SYNE2: variants seen among roughly 807,000 people sequenced by gnomAD.
SYNE2 encodes spectrin repeat containing nuclear envelope protein 2.
In SYNE2, 431 loss-of-function variants were observed where a neutral mutation model predicts 856.3. That is an observed-to-expected ratio of 0.50 (90% CI 0.47 to 0.55). The LOEUF (loss-of-function observed/expected upper bound fraction) is 0.55, where lower values mean the gene tolerates loss of function less well. Among genes scored for constraint, SYNE2 ranks in the 20% least tolerant of loss-of-function variants. The probability of loss-of-function intolerance (pLI) is 0.00; values close to 1 mark genes in which losing one functional copy is unlikely to be tolerated. For synonymous variants in SYNE2, 2,923 were observed against 2,872.3 expected, an observed-to-expected ratio of 1.02 and a Z score of -0.56; for missense variants, 8,129 against 8,023.2, an observed-to-expected ratio of 1.01 and a Z score of -0.50.
chr14:63,921,649 C>T (rs535700553), intron 2 of SYNE2, among the ~76,000 whole-genome samples: 36 of 152,202 alleles, frequency 2.4e-4, no homozygotes, highest in African/African-American at 7.9e-4. Flanking sequence ...AATGGAAATA[C>T]GTAAGTGGCC....
chr14:64,183,084 C>A (rs370060305), intron 96 of SYNE2, among the ~76,000 whole-genome samples: 1 of 146,860 alleles, frequency 6.8e-6, no homozygotes, highest in Admixed American at 6.7e-5. Flanking sequence ...CCGGACGGGG[C>A]GGCTGCCGGG....
At chr14:63,970,651 C>CTTTTTTTTTTTTTTTTTTTTTTTT (rs61126600) in intron 11 of SYNE2, among the ~76,000 whole-genome samples, 27 of 98,888 alleles carry the variant, frequency 2.7e-4, no homozygotes, top group Non-Finnish European at 3.6e-4. Flanking sequence ...TTTCTTTTTT[C>CTTTTTTTTTTTTTTTTTTTTTTTT]TTTTTTTTTT....
intron 58 of SYNE2, 36 bp from the exon 59 acceptor site, chr14:64,089,538 T>C (rs764673165): frequency 1.9e-6 from 3 of 1,587,870 alleles, no homozygotes; most frequent in Non-Finnish European, 2.6e-6. Context: ...TAATATACAA[T>C]ATATATTGCA....
At chr14:64,041,860 A>G (rs1251143079) in intron 45 of SYNE2, among the ~76,000 whole-genome samples, 1 of 151,908 alleles carries the variant, frequency 6.6e-6, no homozygotes, top group Non-Finnish European at 1.5e-5. Flanking sequence ...AAAAAAAAAA[A>G]AAGAAAAAAG....
At chr14:63,957,099 T>C (rs1056999570) in intron 8 of SYNE2, among the ~76,000 whole-genome samples, 2 of 151,968 alleles carry the variant, frequency 1.3e-5, no homozygotes, top group Admixed American at 6.6e-5. Flanking sequence ...TGTTGTGGCA[T>C]GTATCAATAC....
intron 10 of SYNE2, 61 bp from the exon 11 acceptor site, chr14:63,967,648 G>A: frequency 6.5e-7 from 1 of 1,546,934 alleles, no homozygotes; most frequent in Admixed American, 1.8e-5. Flanking sequence ...CAAAATAACA[G>A]ATTATATGAT....
intron 45 of SYNE2, among the ~76,000 whole-genome samples, chr14:64,035,001 C>T: frequency 6.7e-6 from 1 of 150,250 alleles, no homozygotes; most frequent in East Asian, 1.9e-4. Context: ...TTTCTTGCCC[C>T]ATCCTTCCGA....
chr14:64,056,203 A>T lies in SYNE2; in HGVS notation c.10004A>T (p.Glu3335Val). 1 of 1,614,068 alleles carries T rather than the reference A, an allele frequency of 6.2e-7. No homozygotes were observed. The highest frequency in any genetic ancestry group is 8.5e-7 in the Non-Finnish European group (1 of 1,180,000). Residue 3335 changes from glutamate to valine, a missense_variant, in exon 49 of 116, where the codon GAA becomes GTA. Around this residue, in one of 3 missense-constraint regions of SYNE2, gnomAD observed 5,410 missense variants for 5,284.8 expected, o/e 1.02. Coordinates refer to ENST00000555002, the MANE Select transcript of SYNE2 (RefSeq NM_182914.3). ...AKLQLQYTLQELVSKNSAMKE... is the reference protein window; with the variant it reads ...AKLQLQYTLQVLVSKNSAMKE... ...CTACAACTTCAGTATACTTTACAGG[A>T]ACTAGTTTCTAAGAACTCAGCAATG...
At chr14:63,905,649 C>A (rs75885599) in intron 1 of SYNE2, among the ~76,000 whole-genome samples, 12 of 152,196 alleles carry the variant, frequency 7.9e-5, no homozygotes, top group Admixed American at 3.9e-4. Flanking sequence ...ATTGATTTTA[C>A]ATCCTGAAAC....
intron 100 of SYNE2, among the ~76,000 whole-genome samples, chr14:64,203,325 G>T (rs563094413): frequency 4.3e-4 from 65 of 152,220 alleles, no homozygotes; most frequent in African/African-American, 1.4e-3. Context: ...ACCAAGGAAG[G>T]TTTTTATGGG....
At chr14:63,995,333 C>G (rs1192836225) in intron 23 of SYNE2, 131 bp downstream of exon 23, 9 of 696,300 alleles carry the variant, frequency 1.3e-5, no homozygotes, top group Non-Finnish European at 2.2e-5. Flanking sequence ...CGGGGATGAT[C>G]ACTTCTTTGC....
intron 1 of SYNE2, among the ~76,000 whole-genome samples, chr14:63,838,845 A>G (rs1221553928): frequency 1.3e-5 from 2 of 151,998 alleles, no homozygotes; most frequent in Admixed American, 1.3e-4. Context: ...CTAGCTATAC[A>G]TAGCATATGC....
rs143410137 is a variant in SYNE2 at position 64,026,647 on chromosome 14, C to G, written c.6321C>G (p.Ser2107Arg). 6.2e-7 allele frequency: 1 copy of G among 1,613,360 alleles called. No homozygotes were observed. The highest frequency in any genetic ancestry group is 1.1e-5 in the South Asian group (1 of 90,964). Residue 2107 changes from serine to arginine, a missense_variant, in exon 42 of 116, where the codon AGC (serine) becomes AGG (arginine). By Grantham distance (110) the Ser-to-Arg change is moderately radical. Coordinates refer to ENST00000555002, the MANE Select transcript of SYNE2 (RefSeq NM_182914.3). ...IETIMKQAES[S>R]EAPLVQKTLT... The stretch of plus-strand genomic sequence containing the variant: ...CCATCATGAAGCAGGCTGAGAGCAG[C>G]GAGGCCCCGCTGGTTCAGAAGACCC...
Position 63,982,846 on chromosome 14 carries a change from C to T in SYNE2, c.2001+52C>T, listed in dbSNP as rs904619795. ...TTATTTAGATATGATTCATGTACCA[C>T]ACAATTTACTCATTGTAAGTTCATA... On this transcript the variant is annotated intron_variant, in intron 17 of 115. Transcript: ENST00000555002. 8 of 1,559,332 alleles carry T rather than the reference C, an allele frequency of 5.1e-6. No individual in the cohort carries two copies. The African/African-American group carries it at 8.1e-5, about 16-fold the overall frequency.
At chr14:64,102,720 G>A (rs2097742928) in intron 64 of SYNE2, among the ~76,000 whole-genome samples, 1 of 151,762 alleles carries the variant, frequency 6.6e-6, no homozygotes, top group South Asian at 2.1e-4. Context: ...AACTATAATT[G>A]CCATGTTATA....
intron 11 of SYNE2, among the ~76,000 whole-genome samples, chr14:63,974,892 G>GTATATATATATATATATATATATATATA (rs145247655): frequency 3.0e-4 from 20 of 67,304 alleles, no homozygotes; most frequent in Admixed American, 4.8e-4. Flanking sequence ...GTGTGTGTGT[G>GTATATATATATATATATATATATATATA]TATATATATA....
In SYNE2 at chr14:64,177,341, A is replaced by T. The variant is rs768625656; in HGVS notation, c.17431-17A>T. The stretch of plus-strand genomic sequence containing the variant: ...AAGAGCAAAATACTTACCAGTTTTA[A>T]TCTTGTTTTCAAATAGACCTGGGAC... On this transcript the variant is annotated splice_polypyrimidine_tract_variant and intron_variant, in intron 95 of 115. Transcript: ENST00000555002. 1.9e-6 allele frequency: 3 copies of T among 1,614,044 alleles called. No individual in the cohort carries two copies. In the African/African-American group the frequency reaches 4.0e-5, roughly 22 times the overall value.
intron 45 of SYNE2, among the ~76,000 whole-genome samples, chr14:64,034,175 G>A (rs920025490): frequency 2.0e-5 from 3 of 152,086 alleles, no homozygotes; most frequent in Non-Finnish European, 2.9e-5. Context: ...TAATGAATAC[G>A]TAGGACACAT....
Position 64,113,462 on chromosome 14 carries a change from A to G in SYNE2, c.12731A>G (p.Gln4244Arg). 6.2e-7 allele frequency: 1 copy of G among 1,614,208 alleles called. No individual in the cohort carries two copies. The highest frequency in any genetic ancestry group is 8.5e-7 in the Non-Finnish European group (1 of 1,180,042). ...PTEVLHACKTQVAELELWLQQ... is the reference protein window; with the variant it reads ...PTEVLHACKTRVAELELWLQQ... ...GAAGTCCTGCATGCCTGCAAGACCC[A>G]GGTGGCCGAGCTGGAGCTGTGGCTG... Residue 4244 changes from glutamine (Q) to arginine (R), a missense_variant, in exon 66 of 116, where the codon CAG (glutamine) becomes CGG (arginine). Transcript: ENST00000555002.
Sources: allele counts gnomAD v4.1 joint callset (sites outside exome capture counted in the v4.1 genomes callset), GRCh38; gene constraint gnomAD v4.1.1; regional missense constraint gnomAD v4.1.1; transcripts MANE v1.5; gene names NCBI Gene and HGNC (gene_info 2026-07-23, HGNC 2026-07-21).